Variants in ANKRD33B observed in about 807,000 individuals in gnomAD.
The protein encoded by ANKRD33B is ankyrin repeat domain 33B, also known as ankyrin repeat domain-containing protein 33B.
Under a neutral mutation model 21.5 loss-of-function variants are expected in ANKRD33B, and 6 were observed. The observed-to-expected ratio is 0.28, with a 90% confidence interval of 0.15 to 0.55. ANKRD33B has a LOEUF of 0.55. Ranked by LOEUF, ANKRD33B falls within the 20% of genes least tolerant of loss-of-function variation. The probability of loss-of-function intolerance (pLI) is 0.94; values close to 1 mark genes in which losing one functional copy is unlikely to be tolerated. For missense variants in ANKRD33B, 698 were observed against 747.2 expected (o/e 0.93, Z 0.77); for synonymous variants, 347 against 342.4 (o/e 1.01, Z -0.15).
At chr5:10,588,186 T>A (rs899856725) in intron 1 of ANKRD33B, among the ~76,000 whole-genome samples, 1 of 152,252 alleles carries the variant, frequency 6.6e-6, no homozygotes, top group African/African-American at 2.4e-5. Flanking sequence ...AAAAAGTGAC[T>A]GCGAATTCAT....
At chr5:10,581,011 C>T (rs537013214) in intron 1 of ANKRD33B, among the ~76,000 whole-genome samples, 2 of 152,054 alleles carry the variant, frequency 1.3e-5, no homozygotes, top group East Asian at 1.9e-4. Context: ...CCCATGTCCT[C>T]GTCCTGCCTC....
intron 2 of ANKRD33B, among the ~76,000 whole-genome samples, chr5:10,634,469 T>C (rs1051554975): frequency 6.6e-6 from 1 of 151,180 alleles, no homozygotes; most frequent in Non-Finnish European, 1.5e-5. Context: ...TTTTTTCTTT[T>C]TTTTTTTTGA....
intron 1 of ANKRD33B, among the ~76,000 whole-genome samples, chr5:10,575,872 T>C (rs1386038686): frequency 6.6e-6 from 1 of 152,058 alleles, no homozygotes; most frequent in African/African-American, 2.4e-5. Context: ...AGTGTTACCA[T>C]AAAGGGGTAG....
chr5:10,649,218 A>G (rs1025062699), intron 3 of ANKRD33B, 48 bp from the exon 4 acceptor site: 27 of 1,480,828 alleles, frequency 1.8e-5, no homozygotes, highest in African/African-American at 6.9e-5. Flanking sequence ...GGGAGGGAAG[A>G]GTCCTTGTTG....
At chr5:10,646,629 AGTTT>A (rs1326993832) in intron 3 of ANKRD33B, among the ~76,000 whole-genome samples, 4 of 152,200 alleles carry the variant, frequency 2.6e-5, no homozygotes, top group South Asian at 2.1e-4. Context: ...TTAATTTTAT[AGTTT>A]GTTCCTTTTT....
At chr5:10,643,231 C>A (rs1195874203) in intron 3 of ANKRD33B, among the ~76,000 whole-genome samples, 1 of 152,076 alleles carries the variant, frequency 6.6e-6, no homozygotes, top group Admixed American at 6.6e-5. Context: ...GCACTACTAA[C>A]ATGCAGAGCC....
chr5:10,639,826 A>G (rs530201553), intron 3 of ANKRD33B, among the ~76,000 whole-genome samples: 2 of 11,388 alleles, frequency 1.8e-4, no homozygotes, highest in Non-Finnish European at 3.9e-4. Context: ...GGTGACGCGG[A>G]GTTGCGCGGC....
chr5:10,573,580 A>G (rs2033435706), intron 1 of ANKRD33B, among the ~76,000 whole-genome samples: 1 of 152,098 alleles, frequency 6.6e-6, no homozygotes, highest in African/African-American at 2.4e-5. Flanking sequence ...TGGGTAATTT[A>G]TAAGAAAAGA....
At chr5:10,643,840 A>G (rs1021519580) in intron 3 of ANKRD33B, among the ~76,000 whole-genome samples, 4 of 149,370 alleles carry the variant, frequency 2.7e-5, no homozygotes, top group South Asian at 2.1e-4. Flanking sequence ...AAAAAAAAAA[A>G]AGAGAAGTGA....
At position 10,576,796 on chromosome 5, in the gene ANKRD33B, C is replaced by T. The variant is rs990040752; in HGVS notation, c.366+11963C>T. Among the ~76,000 whole-genome samples, 4 of 152,180 alleles carry T rather than the reference C, an allele frequency of 2.6e-5. No homozygotes were observed. Among genetic ancestry groups the T allele is most frequent in the Non-Finnish European group, 4.4e-5 (3 of 68,036 alleles). ...AGAGTAGTTAAGAAAATAGCACATC[C>T]ACATGGTGAGGCCTCTTTTGTAACT... On this transcript the variant is annotated intron_variant, in intron 1 of 3. Transcript: ENST00000296657. The surrounding 1 kb of genome is among the most constrained non-coding windows in gnomAD (Gnocchi z 4.1).
intron 1 of ANKRD33B, among the ~76,000 whole-genome samples, chr5:10,605,510 T>C (rs867023658): frequency 1.3e-4 from 20 of 151,502 alleles, no homozygotes; most frequent in Middle Eastern, 6.8e-3. Context: ...TCTCATTGAG[T>C]TTCTTTCTTT....
In ANKRD33B at chr5:10,657,423, G is replaced by T. The variant is rs1737516046; in HGVS notation, c.*7310G>T. 1 of 152,316 alleles carries T rather than the reference G, an allele frequency of 6.6e-6. No homozygotes were observed. Among genetic ancestry groups the T allele is most frequent in the Admixed American group, 6.5e-5 (1 of 15,284 alleles). The allele number at this position is 152,316 out of a possible 1,614,324, so 9.4% of individuals were successfully genotyped here. A position where few individuals can be genotyped will look rare whatever the true frequency, so the allele number is the denominator to read the frequency against. On this transcript the variant is annotated 3_prime_UTR_variant, in exon 4 of 4. Coordinates refer to ENST00000296657, the MANE Select transcript of ANKRD33B (RefSeq NM_001164440.2). ...GTATAAGCTCTCTTTTTTTCTGAAT[G>T]TAAACCTATTTGCATTGTCATTTCT...
At chr5:10,572,814 C>T (rs1160250095) in intron 1 of ANKRD33B, among the ~76,000 whole-genome samples, 1 of 152,220 alleles carries the variant, frequency 6.6e-6, no homozygotes, top group Admixed American at 6.5e-5. Flanking sequence ...CCTGTCCATG[C>T]CTCTCCCAGC....
chr5:10,638,186 G>A lies in ANKRD33B; in HGVS notation c.637+18G>A. 2 of 1,535,838 alleles carry A rather than the reference G, an allele frequency of 1.3e-6. No homozygotes were observed. Among genetic ancestry groups the A allele is most frequent in the South Asian group, 1.2e-5 (1 of 83,954 alleles). On this transcript the variant is annotated intron_variant, in intron 3 of 3. Coordinates refer to ENST00000296657, the MANE Select transcript of ANKRD33B (RefSeq NM_001164440.2). ...GCTAGCAGGTATGTCCACCTGTCCT[G>A]TGCAGCTTCCAGGGGCCCTGGGACA...
At chr5:10,574,480 G>C (rs1462307438) in intron 1 of ANKRD33B, among the ~76,000 whole-genome samples, 1 of 151,852 alleles carries the variant, frequency 6.6e-6, no homozygotes, top group Non-Finnish European at 1.5e-5. Context: ...GAGCTGAAAA[G>C]TAATAAAAAT....
At chr5:10,612,722 CA>C (rs1476105013) in intron 1 of ANKRD33B, among the ~76,000 whole-genome samples, 3 of 152,222 alleles carry the variant, frequency 2.0e-5, no homozygotes, top group Non-Finnish European at 2.9e-5. Context: ...ACCCCGTCCC[CA>C]GCGCAAGATT....
intron 1 of ANKRD33B, among the ~76,000 whole-genome samples, chr5:10,570,139 A>G (rs1336218240): frequency 3.9e-5 from 6 of 152,000 alleles, no homozygotes; most frequent in Middle Eastern, 3.2e-3. Context: ...GGCCTCCCAA[A>G]GTGCTGGGAT....
intron 2 of ANKRD33B, among the ~76,000 whole-genome samples, chr5:10,633,424 TTTTGA>T (rs56943903): frequency 0.42 from 63,667 of 151,656 alleles, 13,530 homozygotes; most frequent in Middle Eastern, 0.55. Flanking sequence ...TAAAATAAAC[TTTTGA>T]TTTGAGAATA....
chr5:10,639,691 C>G (rs867164714), intron 3 of ANKRD33B, among the ~76,000 whole-genome samples: 19 of 19,652 alleles, frequency 9.7e-4, no homozygotes, highest in African/African-American at 2.9e-3. Flanking sequence ...CGATGTTAGG[C>G]GGTGACGCGG....
Sources: gnomAD v4.1 joint callset for allele counts (sites outside exome capture counted in the v4.1 genomes callset) on GRCh38, gnomAD v4.1.1 for gene constraint, Gnocchi (gnomAD v3.1) non-coding constraint, MANE v1.5 for transcripts, NCBI Gene and HGNC (gene_info 2026-07-23, HGNC 2026-07-21) for gene names.